ZNF521: variants seen among roughly 807,000 people sequenced by gnomAD.
ZNF521 encodes zinc finger protein 521.
A neutral mutation model predicts 105.5 loss-of-function variants in ZNF521; 14 were observed. That is an observed-to-expected ratio of 0.13 (90% CI 0.09 to 0.21). The LOEUF (loss-of-function observed/expected upper bound fraction) is 0.21. Among genes scored for constraint, ZNF521 ranks in the 10% least tolerant of loss-of-function variants. The pLI, the probability that ZNF521 is intolerant of heterozygous loss-of-function variation, is 1.00. For synonymous variants in ZNF521, 635 were observed against 606.0 expected (o/e 1.05, Z -0.70); for missense variants, 1,233 against 1,629.7 (o/e 0.76, Z 4.19).
At chr18:25,113,057 T>C (rs2034226347) in intron 5 of ZNF521, among the ~76,000 whole-genome samples, 1 of 132,316 alleles carries the variant, frequency 7.6e-6, no homozygotes, top group South Asian at 2.9e-4. Context: ...GCCATTCTAA[T>C]GAAATCGGCA....
chr18:25,179,053 C>A (rs1045730269), intron 5 of ZNF521, among the ~76,000 whole-genome samples: 14 of 149,796 alleles, frequency 9.3e-5, no homozygotes, highest in Admixed American at 4.0e-4. Context: ...AAGTGCAAAA[C>A]CAAACAAACC....
intron 2 of ZNF521, among the ~76,000 whole-genome samples, chr18:25,331,991 T>A (rs1189013413): frequency 6.6e-6 from 1 of 151,126 alleles, no homozygotes; most frequent in Non-Finnish European, 1.5e-5. Flanking sequence ...TTTGCCAAAA[T>A]TAATCGAAAC....
intron 2 of ZNF521, among the ~76,000 whole-genome samples, chr18:25,349,400 C>G (rs1327991071): frequency 6.6e-6 from 1 of 152,198 alleles, no homozygotes; most frequent in African/African-American, 2.4e-5. Flanking sequence ...GTGACGGAAA[C>G]CACCAGACAC....
At chr18:25,211,540 G>A (rs1277230127) in intron 4 of ZNF521, among the ~76,000 whole-genome samples, 1 of 152,072 alleles carries the variant, frequency 6.6e-6, no homozygotes, top group Non-Finnish European at 1.5e-5. Flanking sequence ...TCCTATTTGT[G>A]AAATTCTGTT....
chr18:25,296,544 A>G (rs1911327974), intron 3 of ZNF521, among the ~76,000 whole-genome samples: 1 of 152,202 alleles, frequency 6.6e-6, no homozygotes. Flanking sequence ...GAGGGTGCAT[A>G]TGGAACAGGA....
intron 4 of ZNF521, among the ~76,000 whole-genome samples, chr18:25,203,270 G>A (rs188339979): frequency 5.9e-4 from 90 of 152,272 alleles, no homozygotes; most frequent in South Asian, 1.0e-3. Context: ...AACTCTCTGG[G>A]AGAGATAGGA....
chr18:25,100,590 T>C (rs1461191826), intron 5 of ZNF521, among the ~76,000 whole-genome samples: 5 of 151,770 alleles, frequency 3.3e-5, no homozygotes, highest in Non-Finnish European at 5.9e-5. Flanking sequence ...TAAGCAGCAA[T>C]GCAAAAATCA....
At chr18:25,338,462 G>A (rs1314381544) in intron 2 of ZNF521, among the ~76,000 whole-genome samples, 1 of 151,832 alleles carries the variant, frequency 6.6e-6, no homozygotes, top group African/African-American at 2.4e-5. Flanking sequence ...ACCCAGGTTG[G>A]AGTGCAGTGG....
chr18:25,186,904 T>TA (rs113619835), intron 5 of ZNF521, among the ~76,000 whole-genome samples: 5,105 of 74,248 alleles, frequency 0.069, 109 homozygotes, highest in South Asian at 0.12. Context: ...AAAGTAATGC[T>TA]AAAAAAAAAA....
intron 4 of ZNF521, among the ~76,000 whole-genome samples, chr18:25,197,458 C>T (rs2035921804): frequency 6.6e-6 from 1 of 151,720 alleles, no homozygotes; most frequent in Non-Finnish European, 1.5e-5. Flanking sequence ...ATTTTTAAAA[C>T]GTTGATGTTA....
chr18:25,277,289 G>A (rs536816347), intron 3 of ZNF521, among the ~76,000 whole-genome samples: 65 of 151,702 alleles, frequency 4.3e-4, no homozygotes, highest in African/African-American at 1.4e-3. Flanking sequence ...ATAATTTTTC[G>A]ATCTTTCCTT....
At chr18:25,247,761 G>A (rs2144830221) in intron 3 of ZNF521, among the ~76,000 whole-genome samples, 1 of 152,276 alleles carries the variant, frequency 6.6e-6, no homozygotes, top group South Asian at 2.1e-4. Flanking sequence ...TGGAGTAGGA[G>A]GGACTGGATG....
chr18:25,140,245 T>C (rs1189397548), intron 5 of ZNF521, among the ~76,000 whole-genome samples: 7 of 152,094 alleles, frequency 4.6e-5, no homozygotes, highest in Non-Finnish European at 8.8e-5. Context: ...CTTATTCCAC[T>C]CAGATACTTG....
chr18:25,270,210 A>T (rs1909558564), intron 3 of ZNF521, among the ~76,000 whole-genome samples: 1 of 151,372 alleles, frequency 6.6e-6, no homozygotes, highest in Non-Finnish European at 1.5e-5. Context: ...CGGGACACAA[A>T]CTAAAGACTA....
At chr18:25,155,059 T>C (rs1371610998) in intron 5 of ZNF521, among the ~76,000 whole-genome samples, 2 of 152,312 alleles carry the variant, frequency 1.3e-5, no homozygotes, top group East Asian at 3.9e-4. Context: ...TTGTGATATC[T>C]TGTCGTTTAG....
At chr18:25,236,573 G>A (rs1432657521) in intron 3 of ZNF521, among the ~76,000 whole-genome samples, 3 of 151,948 alleles carry the variant, frequency 2.0e-5, no homozygotes, top group African/African-American at 7.2e-5. Flanking sequence ...TTTCAGGGAT[G>A]TTGGACTATC....
intron 5 of ZNF521, among the ~76,000 whole-genome samples, chr18:25,116,060 A>T (rs545099034): frequency 9.8e-5 from 15 of 152,318 alleles, no homozygotes; most frequent in Non-Finnish European, 1.2e-4. Flanking sequence ...TTCAGTGACC[A>T]GGGTGGCTCA....
intron 3 of ZNF521, among the ~76,000 whole-genome samples, chr18:25,320,753 C>G (rs1202842967): frequency 1.3e-5 from 2 of 152,108 alleles, no homozygotes; most frequent in East Asian, 3.8e-4. Flanking sequence ...ATAAAAGTTG[C>G]TCCCTAGAAG....
In ZNF521 at chr18:25,347,424, G is replaced by C. The variant is rs1245247631; in HGVS notation, c.40+3483C>G. 2.0e-5 allele frequency among the ~76,000 whole-genome samples: 3 copies of C among 152,284 alleles called. No homozygotes were observed. The East Asian group carries it at 5.8e-4, about 29-fold the overall frequency. ...GATGCTAGGGCTTTGAAAGGCAGGA[G>C]GGGTAAAGGAGTTCCATGTTTCAAA... On this transcript the variant is annotated intron_variant, in intron 2 of 7. Coordinates refer to ENST00000361524, the MANE Select transcript of ZNF521 (RefSeq NM_015461.3).
Sources: gnomAD v4.1 joint callset for allele counts (sites outside exome capture counted in the v4.1 genomes callset) on GRCh38, gnomAD v4.1.1 for gene constraint, MANE v1.5 for transcripts, NCBI Gene and HGNC (gene_info 2026-07-23, HGNC 2026-07-21) for gene names.